SCN10A: variants seen among roughly 807,000 people sequenced by gnomAD.
The protein encoded by SCN10A is sodium voltage-gated channel alpha subunit 10.
A neutral mutation model predicts 170.7 loss-of-function variants in SCN10A; 162 were observed. That is an observed-to-expected ratio of 0.95 (90% CI 0.84 to 1.08). The LOEUF (loss-of-function observed/expected upper bound fraction) is 1.08. SCN10A is among the 50% of genes least tolerant of loss of function. The pLI, the probability that SCN10A is intolerant of heterozygous loss-of-function variation, is 0.00. For synonymous variants in SCN10A, 985 were observed against 904.6 expected (o/e 1.09, Z -1.59); for missense variants, 2,527 against 2,436.9 (o/e 1.04, Z -0.78).
At chr3:38,812,261 C>A (rs2064445675) in intron 1 of SCN10A, among the ~76,000 whole-genome samples, 1 of 152,224 alleles carries the variant, frequency 6.6e-6, no homozygotes, top group African/African-American at 2.4e-5. Flanking sequence ...TATCCTCACA[C>A]AATCATAGGA....
At chr3:38,718,940 G>C in intron 20 of SCN10A, 114 bp from the exon 21 acceptor site, 1 of 961,324 alleles carries the variant, frequency 1.0e-6, no homozygotes, top group Non-Finnish European at 1.5e-6. Flanking sequence ...AAGGGGATTT[G>C]GTAGTCAGCT....
chr3:38,808,444 T>C (rs538196152), intron 1 of SCN10A, among the ~76,000 whole-genome samples: 1 of 152,320 alleles, frequency 6.6e-6, no homozygotes, highest in Admixed American at 6.5e-5. Context: ...CTGTTCAATG[T>C]CTCTGTTCCT....
At chr3:38,772,322 G>GAAAAAA (rs147803028) in intron 4 of SCN10A, among the ~76,000 whole-genome samples, 1 of 133,874 alleles carries the variant, frequency 7.5e-6, no homozygotes, top group African/African-American at 2.8e-5. Flanking sequence ...CCAAACAACT[G>GAAAAAA]AAAAAAAAAA....
intron 26 of SCN10A, among the ~76,000 whole-genome samples, chr3:38,704,134 G>A (rs982939831): frequency 6.6e-6 from 1 of 152,182 alleles, no homozygotes; most frequent in Non-Finnish European, 1.5e-5. Context: ...GGGAGCCCAC[G>A]GGAGCTGCAC....
chr3:38,744,521 T>C (rs906755783), intron 13 of SCN10A, among the ~76,000 whole-genome samples: 11 of 152,058 alleles, frequency 7.2e-5, no homozygotes, highest in African/African-American at 2.7e-4. Context: ...AATTATACTT[T>C]AAGTTTTAGG....
intron 5 of SCN10A, among the ~76,000 whole-genome samples, chr3:38,765,605 T>G (rs1575162598): frequency 6.6e-6 from 1 of 152,298 alleles, no homozygotes; most frequent in South Asian, 2.1e-4. Context: ...GCTGTTTTGG[T>G]ACAGGCTATA....
chr3:38,814,349 G>C (rs1416189667), intron 1 of SCN10A, among the ~76,000 whole-genome samples: 1 of 152,116 alleles, frequency 6.6e-6, no homozygotes, highest in Non-Finnish European at 1.5e-5. Flanking sequence ...GGGGACCATA[G>C]GGCTGGTCTG....
chr3:38,752,209 A>C lies in SCN10A; in HGVS notation c.1755+10T>G. ...CAGCCTGAGGGAGTCTGAAGCATTC[A>C]CAAACTCACCGAGACATCGACAGCT... On this transcript the variant is annotated intron_variant, in intron 12 of 27. Coordinates refer to ENST00000449082, the MANE Select transcript of SCN10A (RefSeq NM_006514.4). 5 of 1,500,798 alleles carry C rather than the reference A, an allele frequency of 3.3e-6. No individual in the cohort carries two copies. Among genetic ancestry groups the C allele is most frequent in the Non-Finnish European group, 4.4e-6 (5 of 1,123,918 alleles). The allele number at this position is 1,500,798 out of a possible 1,614,324, so 93.0% of individuals were successfully genotyped here.
chr3:38,726,820 GC>G lies in SCN10A; in HGVS notation c.2872del (p.Ala958LeufsTer67). On this transcript the variant is annotated frameshift_variant, in exon 17 of 28. Transcript: ENST00000449082. LOFTEE classifies it high-confidence loss of function. ...AGTGTTGGCAGCAATGTGGTTCTCA[GC>G]CTTGGAGCTGGAGAGTGGGAGTTTC... ...VVKLPLSSSKAENHIAANTAR... is the reference protein window; with the variant it reads ...VVKLPLSSSKXENHIAANTAR... 1 of 1,613,344 alleles carries G rather than the reference GC, an allele frequency of 6.2e-7. No individual in the cohort carries two copies. Among genetic ancestry groups the G allele is most frequent in the Non-Finnish European group, 8.5e-7 (1 of 1,179,296 alleles).
rs148979438 is a variant in SCN10A at position 38,697,564 on chromosome 3, C to T, written c.5656G>A (p.Ala1886Thr). Residue 1886 changes from alanine to threonine, a missense_variant, in exon 28 of 28, where the codon GCT becomes ACT. Transcript: ENST00000449082. ...TPCVPRAEEE[A>T]ASLPDEGFVA... is the part of the protein sequence containing the mutation. Reference sequence around the variant, plus strand: ...AAACCTTCATCTGGGAGTGATGCAGCCTCCTCCTCAGCTCTGGGCACACAT... The same window carrying T: ...AAACCTTCATCTGGGAGTGATGCAGTCTCCTCCTCAGCTCTGGGCACACAT... 6.2e-7 allele frequency: 1 copy of T among 1,614,178 alleles called. No homozygotes were observed. Among genetic ancestry groups the T allele is most frequent in the Non-Finnish European group, 8.5e-7 (1 of 1,180,026 alleles).
intron 4 of SCN10A, among the ~76,000 whole-genome samples, chr3:38,777,923 C>T (rs1019369358): frequency 3.3e-5 from 5 of 151,940 alleles, no homozygotes; most frequent in Admixed American, 3.3e-4. Flanking sequence ...GATTGAAATA[C>T]CTAAATGTAG....
At position 38,697,467 on chromosome 3, in the gene SCN10A, G is replaced by T. The variant is rs769427963; in HGVS notation, c.5753C>A (p.Pro1918Gln). 39 of 1,614,058 alleles carry T rather than the reference G, an allele frequency of 2.4e-5. No homozygotes were observed. ...TCTAGTGACACTCTCATAGGACGGT[G>T]GGAATGATGTGGCAGAAGCAGTTTC... Reference protein sequence around the residue: ...KSETASATSFPPSYESVTRGL... With the variant: ...KSETASATSFQPSYESVTRGL... Residue 1918 changes from proline (P) to glutamine (Q), a missense_variant, in exon 28 of 28, where the codon CCA (proline) becomes CAA (glutamine). Transcript: ENST00000449082.
At chr3:38,802,004 C>T (rs560754770) in intron 1 of SCN10A, among the ~76,000 whole-genome samples, 2 of 152,258 alleles carry the variant, frequency 1.3e-5, no homozygotes, top group South Asian at 2.1e-4. Context: ...TCATCATCTT[C>T]CTCCACCAAA....
At chr3:38,762,350 C>T (rs549343940) in intron 6 of SCN10A, among the ~76,000 whole-genome samples, 2 of 152,204 alleles carry the variant, frequency 1.3e-5, no homozygotes, top group East Asian at 3.9e-4. Flanking sequence ...CAGCCCTTAA[C>T]TGAAGTTCCA....
chr3:38,784,898 T>C (rs2064179742), intron 4 of SCN10A, among the ~76,000 whole-genome samples: 1 of 151,372 alleles, frequency 6.6e-6, no homozygotes, highest in African/African-American at 2.4e-5. Context: ...ACAAAGAGAA[T>C]AAAATATCTA....
rs754351607 is a variant in SCN10A at position 38,739,587 on chromosome 3, G to A, written c.2208C>T (p.Ile736=). 15 of 1,614,010 alleles carry A rather than the reference G, an allele frequency of 9.3e-6. No homozygotes were observed. The highest frequency in any genetic ancestry group is 1.7e-5 in the Admixed American group (1 of 60,002). Residue 736 remains isoleucine (I), a synonymous_variant, in exon 15 of 28, where the codon ATC becomes ATT. Coordinates refer to ENST00000449082, the MANE Select transcript of SCN10A (RefSeq NM_006514.4). Reference sequence around the variant, plus strand: ...CCAGCTCTAGCAGACTCACAGTGACGATGATGCAGTCAAAGATATTCCACT... The same window carrying A: ...CCAGCTCTAGCAGACTCACAGTGACAATGATGCAGTCAAAGATATTCCACT... ...QKKWNIFDCI[I]VTVSLLELGV... is the part of the protein sequence containing the mutation.
At chr3:38,709,946 G>A (rs2063254443) in intron 24 of SCN10A, among the ~76,000 whole-genome samples, 1 of 152,198 alleles carries the variant, frequency 6.6e-6, no homozygotes, top group African/African-American at 2.4e-5. Context: ...TTATTGGTAA[G>A]GGTTGCCCCT....
chr3:38,801,914 C>T (rs1241070522), intron 1 of SCN10A, among the ~76,000 whole-genome samples: 1 of 152,108 alleles, frequency 6.6e-6, no homozygotes, highest in Non-Finnish European at 1.5e-5. Flanking sequence ...TTCTGAGTTC[C>T]AGTCATGCTA....
intron 21 of SCN10A, among the ~76,000 whole-genome samples, chr3:38,715,638 T>C (rs953346211): frequency 1.3e-5 from 2 of 152,294 alleles, no homozygotes; most frequent in Non-Finnish European, 2.9e-5. Flanking sequence ...TCCTGCTCAT[T>C]TCTATGCCCC....
Sources: gnomAD v4.1 joint callset for allele counts (sites outside exome capture counted in the v4.1 genomes callset) on GRCh38, gnomAD v4.1.1 for gene constraint, MANE v1.5 for transcripts, NCBI Gene and HGNC (gene_info 2026-07-23, HGNC 2026-07-21) for gene names.